NFRKB: variants seen among roughly 807,000 people sequenced by gnomAD.
The protein encoded by NFRKB is nuclear factor related to kappaB binding protein.
Under a neutral mutation model 135.7 loss-of-function variants are expected in NFRKB, and 62 were observed. The ratio of observed to expected loss-of-function variants is 0.46; its 90% confidence interval spans 0.37 to 0.56. The LOEUF (loss-of-function observed/expected upper bound fraction) is 0.56. Ranked by LOEUF, NFRKB falls within the 20% of genes least tolerant of loss-of-function variation. The pLI is 0.00. For missense variants in NFRKB, 1,545 were observed against 1,662.0 expected (o/e 0.93, Z 1.22); for synonymous variants, 678 against 635.6 (o/e 1.07, Z -1.00).
rs761813228 is a variant in NFRKB, at chr11:129,886,163, A to G, written c.465+154T>C. ...AATCAGGACACATTTGAAGTTTATCATAAGAAAGGATGGCATAGCTTAACT... is the reference window on the plus strand; with the variant it reads ...AATCAGGACACATTTGAAGTTTATCGTAAGAAAGGATGGCATAGCTTAACT... On this transcript the variant is annotated intron_variant, in intron 5 of 26. Transcript: ENST00000682444. Among the ~76,000 whole-genome samples the G allele has an allele frequency of 2.0e-5, 3 of 152,234 alleles. 1 individual carries two copies. The highest frequency in any genetic ancestry group is 4.1e-4 in the South Asian group (2 of 4,836).
chr11:129,884,615 A>T, intron 7 of NFRKB, 130 bp downstream of exon 7: 1 of 1,049,298 alleles, frequency 9.5e-7, no homozygotes, highest in Non-Finnish European at 1.4e-6. Flanking sequence ...TGCCAAACAA[A>T]TCACCTAGTT....
intron 24 of NFRKB, 115 bp downstream of exon 24, chr11:129,869,379 T>C (rs542667106): frequency 2.4e-6 from 3 of 1,235,904 alleles, no homozygotes; most frequent in Non-Finnish European, 3.3e-6. Context: ...GCCTCTAATT[T>C]CCACTCCTAA....
In NFRKB at chr11:129,872,899, C is replaced by T. The variant is rs143304466; in HGVS notation, c.2748G>A (p.Gln916=). ...TAAVIQNVTG[Q]NIIKQVAITG... ...CCCCACCTACCTGCTTGATGATGTT[C>T]TGTCCTGTGACATTTTGAATGACGG... is the stretch of plus-strand genomic sequence containing the variant. Residue 916 remains glutamine, a synonymous_variant, in exon 23 of 27, where the codon CAG becomes CAA. Transcript: ENST00000682444. 177 of 1,609,436 alleles carry T rather than the reference C, an allele frequency of 1.1e-4. No individual in the cohort carries two copies. The highest frequency in any genetic ancestry group is 1.4e-4 in the Non-Finnish European group (168 of 1,176,728).
Position 129,881,517 on chromosome 11 carries a change from A to T in NFRKB, c.1319-9T>A. 1.2e-6 allele frequency: 2 copies of T among 1,614,126 alleles called. No homozygotes were observed. The highest frequency in any genetic ancestry group is 1.7e-6 in the Non-Finnish European group (2 of 1,180,008). On this transcript the variant is annotated splice_polypyrimidine_tract_variant and intron_variant, in intron 12 of 26. Coordinates refer to ENST00000682444, the MANE Select transcript of NFRKB (RefSeq NM_001143835.2). ...GAAACTGGAAGGAACAGCTGCAAGAAATGGACCACATAAACAAACCATACA... is the reference window on the plus strand; with the variant it reads ...GAAACTGGAAGGAACAGCTGCAAGATATGGACCACATAAACAAACCATACA...
In NFRKB at chr11:129,881,752, C is replaced by G; in HGVS notation, c.1293G>C (p.Leu431=). ...CTCGACTTTCTCCAGCAAGATACTG[C>G]AGGGCTGGTAGTACCAACTCAGCCC... ...PNWAELVLPA[L]QYLAGESRAV... Residue 431 remains leucine (L), a synonymous_variant, in exon 12 of 27, where the codon CTG becomes CTC. Transcript: ENST00000682444. 1.9e-6 allele frequency: 3 copies of G among 1,614,192 alleles called. No individual in the cohort carries two copies. The highest frequency in any genetic ancestry group is 2.5e-6 in the Non-Finnish European group (3 of 1,180,036).
At chr11:129,877,443 T>C in intron 15 of NFRKB, 58 bp from the exon 16 acceptor site, 1 of 1,483,648 alleles carries the variant, frequency 6.7e-7, no homozygotes, top group East Asian at 2.3e-5. Flanking sequence ...TCAGACCCAT[T>C]GCCCCTGCTT....
chr11:129,892,094 G>A (rs915922439), intron 3 of NFRKB, among the ~76,000 whole-genome samples: 3 of 151,788 alleles, frequency 2.0e-5, no homozygotes, highest in African/African-American at 7.3e-5. Flanking sequence ...GGGAACAGGT[G>A]GTGTCTGGTT....
intron 4 of NFRKB, among the ~76,000 whole-genome samples, chr11:129,888,056 T>C (rs1410083071): frequency 6.6e-6 from 1 of 151,886 alleles, no homozygotes; most frequent in Non-Finnish European, 1.5e-5. Context: ...AAAAGAAAAT[T>C]TGAACATGAA....
At chr11:129,876,647 A>AGAGTTCC in intron 17 of NFRKB, 74 bp downstream of exon 17, 2 of 1,527,364 alleles carry the variant, frequency 1.3e-6, no homozygotes, top group Non-Finnish European at 1.8e-6. Context: ...AGGAGAGGAC[A>AGAGTTCC]GAGTTCAGAG....
chr11:129,894,656 C>T (rs1394647089), intron 1 of NFRKB, among the ~76,000 whole-genome samples: 1 of 152,192 alleles, frequency 6.6e-6, no homozygotes, highest in Non-Finnish European at 1.5e-5. Context: ...CGTGGGTGGT[C>T]CCCAAGCAAC....
rs370926101 is a variant in NFRKB, at chr11:129,877,383, C to T, written c.1514G>A (p.Arg505Lys). ...GCTGGGACGCACCACATAGTCAGTT[C>T]TTCTGGAATATAAAGAATTCTGTAT... ...SDATTPVPRV[R>K]TDYVVRPSTG... Residue 505 changes from arginine to lysine, a missense_variant and splice_region_variant, in exon 16 of 27, where the codon AGA (arginine) becomes AAA (lysine). Arg to Lys is a conservative substitution (Grantham distance 26). Coordinates refer to ENST00000682444, the MANE Select transcript of NFRKB (RefSeq NM_001143835.2). The T allele has an allele frequency of 3.1e-5, 50 of 1,614,034 alleles. No individual in the cohort carries two copies. Among genetic ancestry groups the T allele is most frequent in the Non-Finnish European group, 4.1e-5 (48 of 1,180,026 alleles).
chr11:129,873,900 A>G lies in NFRKB; in HGVS notation c.2395T>C (p.Ser799Pro). The G allele has an allele frequency of 6.2e-7, 1 of 1,614,030 alleles. No homozygotes were observed. Among genetic ancestry groups the G allele is most frequent in the South Asian group, 1.1e-5 (1 of 91,084 alleles). Residue 799 changes from serine (S) to proline (P), a missense_variant, in exon 22 of 27, where the codon TCT becomes CCT. Ser to Pro is a moderately conservative substitution (Grantham distance 74). Coordinates refer to ENST00000682444, the MANE Select transcript of NFRKB (RefSeq NM_001143835.2). Reference protein sequence around the residue: ...AAARVVSHSGSAGLSQVRVVA... With the variant: ...AAARVVSHSGPAGLSQVRVVA... The stretch of plus-strand genomic sequence containing the variant: ...ACTCGCACCTGAGACAGTCCAGCAG[A>G]GCCAGAGTGGCTCACGACCCGGGCG...
At position 129,881,440 on chromosome 11, in the gene NFRKB, T is replaced by C; in HGVS notation, c.1384+3A>G. 6.2e-7 allele frequency: 1 copy of C among 1,614,074 alleles called. No homozygotes were observed. The highest frequency in any genetic ancestry group is 8.5e-7 in the Non-Finnish European group (1 of 1,179,934). On this transcript the variant is annotated splice_donor_region_variant and intron_variant, in intron 13 of 26. Transcript: ENST00000682444. ...GTTGGGGTAGGTAATACGGATCACT[T>C]ACCAAGCAACTTCCACTGCTGGGTT...
intron 18 of NFRKB, 129 bp from the exon 19 acceptor site, chr11:129,875,045 G>T: frequency 8.4e-7 from 1 of 1,186,594 alleles, no homozygotes. Context: ...GCCTAGCTGC[G>T]TATTCCCAAT....
At chr11:129,883,735 A>G (rs924004614) in intron 8 of NFRKB, among the ~76,000 whole-genome samples, 4 of 152,206 alleles carry the variant, frequency 2.6e-5, no homozygotes, top group African/African-American at 9.6e-5. Context: ...AAGTGGGACA[A>G]ACCCAGGGCC....
Position 129,876,767 on chromosome 11 carries a change from G to A in NFRKB, c.1701C>T (p.Ser567=), listed in dbSNP as rs1447579697. Residue 567 remains serine (S), a synonymous_variant, in exon 17 of 27, where the codon TCC becomes TCT. Transcript: ENST00000682444. Reference sequence around the variant, plus strand: ...AGGCAGGCCGGTCGGAGCGCAGCAGGGAGTGCTCCCGAGCCTTGTTGAGCG... The same window carrying A: ...AGGCAGGCCGGTCGGAGCGCAGCAGAGAGTGCTCCCGAGCCTTGTTGAGCG... ...ETSLNKAREH[S]LLRSDRPAYV... 2.5e-6 allele frequency: 4 copies of A among 1,614,068 alleles called. No homozygotes were observed. The African/African-American group carries it at 4.0e-5, about 16-fold the overall frequency.
intron 13 of NFRKB, among the ~76,000 whole-genome samples, chr11:129,880,072 A>G (rs1212844880): frequency 6.6e-6 from 1 of 152,142 alleles, no homozygotes; most frequent in Non-Finnish European, 1.5e-5. Context: ...CTGTGGTCCC[A>G]GCTACTCAGG....
chr11:129,889,237 C>T (rs2135674196), intron 3 of NFRKB, among the ~76,000 whole-genome samples: 1 of 152,290 alleles, frequency 6.6e-6, no homozygotes, highest in African/African-American at 2.4e-5. Flanking sequence ...GCTGGGATTA[C>T]AGGCATGAGC....
Position 129,864,592 on chromosome 11 carries a change from G to T in NFRKB, c.*133C>A. The T allele has an allele frequency of 7.8e-7, 1 of 1,280,060 alleles. No individual in the cohort carries two copies. The highest frequency in any genetic ancestry group is 1.1e-6 in the Non-Finnish European group (1 of 922,998). The allele number at this position is 1,280,060 out of a possible 1,614,324, so 79.3% of individuals were successfully genotyped here. ...AGCAGAATCCAGGCCACGAATCCAG[G>T]CCACCGTTGCCATCACCCCTCGCCT... On this transcript the variant is annotated 3_prime_UTR_variant, in exon 27 of 27. Transcript: ENST00000682444.
Sources: allele counts gnomAD v4.1 joint callset (sites outside exome capture counted in the v4.1 genomes callset), GRCh38; gene constraint gnomAD v4.1.1; transcripts MANE v1.5; gene names NCBI Gene and HGNC (gene_info 2026-07-23, HGNC 2026-07-21).